Variants in RGS6 observed in about 807,000 individuals in gnomAD.
RGS6 encodes the protein regulator of G protein signaling 6, also known as regulator of G-protein signaling 6.
Under a neutral mutation model 78.5 loss-of-function variants are expected in RGS6, and 30 were observed. The ratio of observed to expected loss-of-function variants is 0.38; its 90% CI spans 0.29 to 0.52. RGS6 has a LOEUF of 0.52. Among genes scored for constraint, RGS6 ranks in the 20% least tolerant of loss-of-function variants. The pLI is 0.85. For missense variants in RGS6, 495 were observed against 609.7 expected, an observed-to-expected ratio of 0.81 and a Z score of 1.98; for synonymous variants, 206 against 206.0, an observed-to-expected ratio of 1.00 and a Z score of 0.00.
intron 2 of RGS6, among the ~76,000 whole-genome samples, chr14:72,177,123 T>C (rs1292291919): frequency 1.1e-4 from 16 of 152,196 alleles, no homozygotes. Flanking sequence ...TGTTTATCCA[T>C]TCACCTGTTG....
the RGS6 span, among the ~76,000 whole-genome samples, chr14:71,917,900 G>T: frequency 6.6e-6 from 1 of 152,102 alleles, no homozygotes; most frequent in Non-Finnish European, 1.5e-5. Context: ...TCGGCCGGGC[G>T]CGGTGGCTCA....
chr14:72,503,735 C>T (rs1324460455), intron 13 of RGS6, among the ~76,000 whole-genome samples: 2 of 152,254 alleles, frequency 1.3e-5, no homozygotes, highest in African/African-American at 2.4e-5. Context: ...AGCAGCCCCA[C>T]CTCCATAGCT....
chr14:72,011,279 T>C (rs954201695), intron 2 of RGS6, among the ~76,000 whole-genome samples: 3 of 152,226 alleles, frequency 2.0e-5, no homozygotes, highest in Non-Finnish European at 4.4e-5. Flanking sequence ...TCATCTACCT[T>C]TGTTTCAAAG....
At chr14:72,076,161 C>A (rs2094566230) in intron 2 of RGS6, among the ~76,000 whole-genome samples, 1 of 152,194 alleles carries the variant, frequency 6.6e-6, no homozygotes, top group Non-Finnish European at 1.5e-5. Context: ...GAGGATGGGC[C>A]ATCCAGAGCA....
chr14:72,244,454 C>CT (rs946628286), intron 2 of RGS6, among the ~76,000 whole-genome samples: 1 of 152,132 alleles, frequency 6.6e-6, no homozygotes, highest in Non-Finnish European at 1.5e-5. Flanking sequence ...TCCACCATTT[C>CT]TTTGTCTCCC....
chr14:72,147,186 C>T (rs2096617129), intron 2 of RGS6, among the ~76,000 whole-genome samples: 1 of 152,230 alleles, frequency 6.6e-6, no homozygotes, highest in African/African-American at 2.4e-5. Flanking sequence ...TCATGACAAT[C>T]TATGCTTCTT....
At chr14:72,180,256 T>C (rs1393366405) in intron 2 of RGS6, among the ~76,000 whole-genome samples, 3 of 152,246 alleles carry the variant, frequency 2.0e-5, no homozygotes, top group African/African-American at 7.2e-5. Flanking sequence ...GTAACAGTTG[T>C]ATTCCCAAGC....
the RGS6 span, among the ~76,000 whole-genome samples, chr14:71,879,658 G>A: frequency 2.0e-5 from 3 of 152,196 alleles, no homozygotes; most frequent in Non-Finnish European, 4.4e-5. Flanking sequence ...TCTCTTGTCT[G>A]CTGCCATGTA....
chr14:71,964,653 C>A, intron 1 of RGS6, 119 bp from the exon 2 acceptor site: 1 of 629,670 alleles, frequency 1.6e-6, no homozygotes, highest in Non-Finnish European at 2.7e-6. Context: ...AAAAATGTAT[C>A]ATGTAATATC....
chr14:72,286,742 T>C (rs937038180), intron 2 of RGS6, among the ~76,000 whole-genome samples: 2 of 152,180 alleles, frequency 1.3e-5, no homozygotes, highest in African/African-American at 2.4e-5. Flanking sequence ...AAGTTTATCC[T>C]AGGTATTTTA....
chr14:72,486,931 G>A lies in RGS6; in HGVS notation c.855-8221G>A, dbSNP rs528771861. Reference sequence around the variant, plus strand: ...AGATCGCCTTCCCTCTCTGCCCAGCGTGGGGTGTTCTTTCACCTCCTCTCA... The same window carrying A: ...AGATCGCCTTCCCTCTCTGCCCAGCATGGGGTGTTCTTTCACCTCCTCTCA... On this transcript the variant is annotated intron_variant, in intron 12 of 17. Transcript: ENST00000553525. Among the ~76,000 whole-genome samples the A allele has an allele frequency of 3.2e-4, 48 of 152,228 alleles. 1 individual carries two copies. Among genetic ancestry groups the A allele is most frequent in the South Asian group, 8.3e-4 (4 of 4,812 alleles).
At chr14:71,926,585 G>GAA in the RGS6 span, among the ~76,000 whole-genome samples, 41 of 51,210 alleles carry the variant, frequency 8.0e-4, 1 homozygote, top group East Asian at 3.1e-3. Flanking sequence ...CTCTGTCTCA[G>GAA]AAAAAAAAAA....
At chr14:72,174,388 G>A (rs575730379) in intron 2 of RGS6, among the ~76,000 whole-genome samples, 45 of 152,200 alleles carry the variant, frequency 3.0e-4, no homozygotes, top group Non-Finnish European at 5.1e-4. Flanking sequence ...ATGAGCCACT[G>A]CGCCCGGTGA....
At chr14:72,581,254 G>A in the RGS6 span, among the ~76,000 whole-genome samples, 1 of 152,038 alleles carries the variant, frequency 6.6e-6, no homozygotes, top group Non-Finnish European at 1.5e-5. Context: ...CTGCTGCTTG[G>A]GGTTCCTTGT....
intron 2 of RGS6, among the ~76,000 whole-genome samples, chr14:72,304,456 C>A (rs752148743): frequency 2.0e-5 from 3 of 152,196 alleles, no homozygotes; most frequent in Non-Finnish European, 4.4e-5. Context: ...TGGGTTTTTA[C>A]TCTTTGGTTC....
chr14:72,356,399 G>A (rs146731855), intron 3 of RGS6, among the ~76,000 whole-genome samples: 10 of 152,128 alleles, frequency 6.6e-5, no homozygotes, highest in East Asian at 3.9e-4. Flanking sequence ...TGAGGCCTCC[G>A]CAGCCATGTA....
At chr14:72,264,468 A>G (rs1453791665) in intron 2 of RGS6, among the ~76,000 whole-genome samples, 2 of 152,196 alleles carry the variant, frequency 1.3e-5, no homozygotes, top group African/African-American at 2.4e-5. Context: ...TTATTTGTTC[A>G]TTTCTTTAAA....
chr14:72,174,614 T>C (rs2097079226), intron 2 of RGS6, among the ~76,000 whole-genome samples: 1 of 152,190 alleles, frequency 6.6e-6, no homozygotes, highest in Non-Finnish European at 1.5e-5. Flanking sequence ...TAGCCAGTCC[T>C]GGAGTGGACC....
At chr14:71,965,579 G>A (rs2093461839) in intron 2 of RGS6, among the ~76,000 whole-genome samples, 1 of 152,234 alleles carries the variant, frequency 6.6e-6, no homozygotes, top group South Asian at 2.1e-4. Flanking sequence ...ATTACAAGGA[G>A]TAAATGGAGA....
Sources: gnomAD v4.1 joint callset for allele counts (sites outside exome capture counted in the v4.1 genomes callset) on GRCh38, gnomAD v4.1.1 for gene constraint, MANE v1.5 for transcripts, NCBI Gene and HGNC (gene_info 2026-07-23, HGNC 2026-07-21) for gene names.